The following SH3BGR variants were observed in gnomAD, a reference collection of about 807,000 sequenced individuals.
SH3BGR encodes SH3 domain binding glutamate rich protein.
SH3BGR carries 29 observed loss-of-function variants against 24.5 expected under a neutral mutation model. The ratio of observed to expected loss-of-function variants is 1.18; its 90% CI spans 0.88 to 1.61. SH3BGR has a LOEUF of 1.61. Ranked by LOEUF, SH3BGR falls within the 40% of genes most tolerant of loss-of-function variation. The pLI is 0.00. For synonymous variants in SH3BGR, 55 were observed against 65.7 expected (o/e 0.84, Z 0.79); for missense variants, 162 against 205.8 (o/e 0.79, Z 1.30).
intron 1 of SH3BGR, 153 bp downstream of exon 1, chr21:39,452,294 T>C (rs2077587689): frequency 2.8e-6 from 1 of 361,002 alleles, no homozygotes; most frequent in African/African-American, 2.2e-5. Flanking sequence ...TGCATTTGAT[T>C]TCATAGTGTT....
chr21:39,506,108 G>A (rs2078578988), intron 4 of SH3BGR, among the ~76,000 whole-genome samples: 1 of 152,200 alleles, frequency 6.6e-6, no homozygotes, highest in Non-Finnish European at 1.5e-5. Flanking sequence ...GAGCTTGCCT[G>A]TTGGTTCCAG....
rs79093880 is a variant in SH3BGR at position 39,488,577 on chromosome 21, G to A, written c.313-11246G>A. 2.1e-3 allele frequency: 612 copies of A among 288,302 alleles called. 5 individuals carry two copies. Among genetic ancestry groups the A allele is most frequent in the African/African-American group, 0.012 (560 of 45,036 alleles). 17.9% of individuals were successfully genotyped at this position (288,302 alleles called of 1,614,324 possible). On this transcript the variant is annotated intron_variant, in intron 3 of 6. Coordinates refer to ENST00000333634, the MANE Select transcript of SH3BGR (RefSeq NM_007341.3). ...TGTGGCCAGGAACAAGGACTAGGGT[G>A]CCTAGTTTTAGGATTATGTCCGAGT...
At chr21:39,448,684 A>C (rs2077539033), upstream of SH3BGR, among the ~76,000 whole-genome samples, 1 of 152,170 alleles carries the variant, frequency 6.6e-6, no homozygotes, top group Admixed American at 6.5e-5. Context: ...CAAAAAACAA[A>C]CAACAAAACA....
At chr21:39,494,759 AT>A (rs1325970159) in intron 3 of SH3BGR, among the ~76,000 whole-genome samples, 2 of 151,588 alleles carry the variant, frequency 1.3e-5, no homozygotes, top group Non-Finnish European at 2.9e-5. Context: ...AATTTAGAAA[AT>A]TTTCAACCAT....
intron 3 of SH3BGR, among the ~76,000 whole-genome samples, chr21:39,487,186 A>G (rs935864311): frequency 1.3e-5 from 2 of 152,180 alleles, no homozygotes; most frequent in African/African-American, 4.8e-5. Context: ...TCTGTCTCCC[A>G]GGCTGGAGTG....
chr21:39,511,904 C>A lies in SH3BGR; in HGVS notation c.*34+95C>A. 8.7e-7 allele frequency: 1 copy of A among 1,150,850 alleles called. No individual in the cohort carries two copies. The highest frequency in any genetic ancestry group is 1.2e-6 in the Non-Finnish European group (1 of 840,716). The allele number at this position is 1,150,850 out of a possible 1,614,324, so 71.3% of individuals were successfully genotyped here. A position where few individuals can be genotyped will look rare whatever the true frequency, so the allele number is the denominator to read the frequency against. On this transcript the variant is annotated intron_variant, in intron 6 of 6. Coordinates refer to ENST00000333634, the MANE Select transcript of SH3BGR (RefSeq NM_007341.3). The surrounding 1 kb of genome is among the most constrained non-coding windows in gnomAD (Gnocchi z 4.2). ...CTTAGTAACAGGAGAAAGGGAATTC[C>A]AATTCAGGGCTGTCTGTCTCCTTCC...
chr21:39,500,422 G>A (rs558826700), intron 4 of SH3BGR, among the ~76,000 whole-genome samples: 1 of 152,258 alleles, frequency 6.6e-6, no homozygotes, highest in East Asian at 1.9e-4. Flanking sequence ...GCAGATCTTG[G>A]TGAAGTCACA....
chr21:39,497,827 C>A (rs1298292700), intron 3 of SH3BGR, among the ~76,000 whole-genome samples: 4 of 152,162 alleles, frequency 2.6e-5, no homozygotes, highest in African/African-American at 9.7e-5. Flanking sequence ...AAATAACAAT[C>A]ATCTTCACTG....
Position 39,459,720 on chromosome 21 carries a change from T to C in SH3BGR, c.46-2655T>C, listed in dbSNP as rs375407894. The stretch of plus-strand genomic sequence containing the variant: ...TTTTAAATTTTTTGTAGAGATGTGG[T>C]CTCTACAAAAACTTTTTGTAGAGGC... On this transcript the variant is annotated intron_variant, in intron 1 of 6. Transcript: ENST00000333634. 1.4e-4 allele frequency among the ~76,000 whole-genome samples: 21 copies of C among 152,034 alleles called. No individual in the cohort carries two copies. The East Asian group carries it at 3.1e-3, about 22-fold the overall frequency.
chr21:39,477,003 A>G (rs2078038233), intron 3 of SH3BGR, among the ~76,000 whole-genome samples: 1 of 152,132 alleles, frequency 6.6e-6, no homozygotes, highest in Non-Finnish European at 1.5e-5. Flanking sequence ...TCCAGGAATC[A>G]TGTCTTCCTT....
Position 39,494,418 on chromosome 21 carries a change from TCTTTA to T in SH3BGR, c.313-5400_313-5396del, listed in dbSNP as rs1184419543. On this transcript the variant is annotated intron_variant, in intron 3 of 6. Coordinates refer to ENST00000333634, the MANE Select transcript of SH3BGR (RefSeq NM_007341.3). ...TAGTGAAGGTCTGCTGGCAATAAGT[TCTTTA>T]CTTTTCTTTTATCTGAAGTGTCTTT... 6.0e-4 allele frequency among the ~76,000 whole-genome samples: 91 copies of T among 152,206 alleles called. 1 individual carries two copies. The highest frequency in any genetic ancestry group is 2.0e-3 in the African/African-American group (85 of 41,564).
At position 39,457,443 on chromosome 21, in the gene SH3BGR, T is replaced by A. The variant is rs970989276; in HGVS notation, c.46-4932T>A. Among the ~76,000 whole-genome samples the A allele has an allele frequency of 2.4e-3, 338 of 138,214 alleles. 2 individuals are homozygous for A. The highest frequency in any genetic ancestry group is 8.5e-3 in the African/African-American group (327 of 38,444). The allele number at this position is 138,214 out of a possible 152,430, so 90.7% of individuals were successfully genotyped here. ...TTATTATATATTATATAGTTATATA[T>A]AAATCTTATGTATAAGATTATATAT... On this transcript the variant is annotated intron_variant, in intron 1 of 6. Transcript: ENST00000333634.
At chr21:39,480,192 G>T (rs1463706270) in intron 3 of SH3BGR, among the ~76,000 whole-genome samples, 3 of 152,032 alleles carry the variant, frequency 2.0e-5, no homozygotes, top group East Asian at 1.9e-4. Flanking sequence ...GTTTTATTGG[G>T]ATATAATTCA....
At chr21:39,485,904 G>A (rs995641794) in intron 3 of SH3BGR, among the ~76,000 whole-genome samples, 1 of 151,998 alleles carries the variant, frequency 6.6e-6, no homozygotes, top group Non-Finnish European at 1.5e-5. Flanking sequence ...TAGCCAGGAT[G>A]GTCTCGATCT....
intron 1 of SH3BGR, among the ~76,000 whole-genome samples, chr21:39,455,785 GC>G (rs2077645636): frequency 6.6e-6 from 1 of 152,230 alleles, no homozygotes; most frequent in South Asian, 2.1e-4. Context: ...GAACTCAAGT[GC>G]CCTGAATAGC....
chr21:39,504,142 T>C (rs540891477), intron 4 of SH3BGR, among the ~76,000 whole-genome samples: 1 of 152,192 alleles, frequency 6.6e-6, no homozygotes, highest in Non-Finnish European at 1.5e-5. Context: ...GTGAACCCAG[T>C]CATCCTATCT....
chr21:39,452,306 A>G lies in SH3BGR; in HGVS notation c.45+165A>G, dbSNP rs988780386. 4 of 330,102 alleles carry G rather than the reference A, an allele frequency of 1.2e-5. No homozygotes were observed. In the Admixed American group the frequency reaches 1.9e-4, roughly 16 times the overall value. The allele number at this position is 330,102 out of a possible 1,614,324, so 20.4% of individuals were successfully genotyped here. A position where few individuals can be genotyped will look rare whatever the true frequency, so the allele number is the denominator to read the frequency against. Reference sequence around the variant, plus strand: ...TTCTGCATTTGATTTCATAGTGTTGAAAAAGCATGGAAAGGGTGTAATCTG... The same window carrying G: ...TTCTGCATTTGATTTCATAGTGTTGGAAAAGCATGGAAAGGGTGTAATCTG... On this transcript the variant is annotated intron_variant, in intron 1 of 6. Coordinates refer to ENST00000333634, the MANE Select transcript of SH3BGR (RefSeq NM_007341.3).
At chr21:39,478,346 C>T (rs1346404501) in intron 3 of SH3BGR, among the ~76,000 whole-genome samples, 5 of 152,210 alleles carry the variant, frequency 3.3e-5, no homozygotes. Flanking sequence ...GGTGCCGCTC[C>T]ATCATCTCTT....
chr21:39,475,605 T>A (rs1199355262), intron 3 of SH3BGR, among the ~76,000 whole-genome samples: 3 of 152,232 alleles, frequency 2.0e-5, no homozygotes, highest in African/African-American at 7.2e-5. Context: ...CATAATGATA[T>A]ATACCCTTAC....
Sources: gnomAD v4.1 joint callset for allele counts (sites outside exome capture counted in the v4.1 genomes callset) on GRCh38, gnomAD v4.1.1 for gene constraint, Gnocchi (gnomAD v3.1) non-coding constraint, MANE v1.5 for transcripts, NCBI Gene and HGNC (gene_info 2026-07-23, HGNC 2026-07-21) for gene names.